The following AFP variants were observed in gnomAD, a reference collection of about 807,000 sequenced individuals.
AFP encodes the protein alpha-fetoprotein.
Under a neutral mutation model 78.9 loss-of-function variants are expected in AFP, and 64 were observed. That is an observed-to-expected ratio of 0.81 (90% CI 0.66 to 1.00). The LOEUF is 1.00. AFP is among the 50% of genes least tolerant of loss of function. AFP has a pLI of 0.00. For missense variants in AFP, 689 were observed against 703.8 expected, an observed-to-expected ratio of 0.98 and a Z score of 0.24; for synonymous variants, 254 against 243.8, an observed-to-expected ratio of 1.04 and a Z score of -0.39.
Position 73,445,124 on chromosome 4 carries a change from T to C in AFP, c.843+2T>C. On this transcript the variant is annotated splice_donor_variant, in intron 7 of 14. Coordinates refer to ENST00000395792, the MANE Select transcript of AFP (RefSeq NM_001134.3). LOFTEE classifies it high-confidence loss of function. ...GTGCTGGATTGTCTGCAGGATGGGGTGAAGAGTCTTGCTTCTTAAAATAGA... is the reference window on the plus strand; with the variant it reads ...GTGCTGGATTGTCTGCAGGATGGGGCGAAGAGTCTTGCTTCTTAAAATAGA... The C allele has an allele frequency of 6.2e-7, 1 of 1,613,844 alleles. No individual in the cohort carries two copies. Among genetic ancestry groups the C allele is most frequent in the East Asian group, 2.2e-5 (1 of 44,852 alleles).
chr4:73,449,980 C>T, intron 9 of AFP, 56 bp from the exon 10 acceptor site: 1 of 1,155,082 alleles, frequency 8.7e-7, no homozygotes, highest in Middle Eastern at 2.0e-4. Flanking sequence ...ATTTTATATA[C>T]AAAGTTATGC....
intron 2 of AFP, 56 bp downstream of exon 2, chr4:73,437,267 A>G (rs1233576097): frequency 6.9e-7 from 1 of 1,448,254 alleles, no homozygotes; most frequent in East Asian, 2.3e-5. Flanking sequence ...ATAAGTAAAT[A>G]CTTAAATAAA....
intron 3 of AFP, among the ~76,000 whole-genome samples, chr4:73,439,294 C>T (rs928437887): frequency 3.9e-5 from 6 of 152,028 alleles, no homozygotes; most frequent in East Asian, 1.9e-4. Flanking sequence ...AATTAGGTGG[C>T]TGAAAGACAA....
rs537178411 is a variant in AFP, at chr4:73,446,156, G to A, written c.843+1034G>A. On this transcript the variant is annotated intron_variant, in intron 7 of 14. Transcript: ENST00000395792. Reference sequence around the variant, plus strand: ...TGAGAGTGACAGTCCCTGAGGAGCTGGGGAAGAAGTGGGAGGAGGCAGCCT... The same window carrying A: ...TGAGAGTGACAGTCCCTGAGGAGCTAGGGAAGAAGTGGGAGGAGGCAGCCT... Among the ~76,000 whole-genome samples, 9 of 152,250 alleles carry A rather than the reference G, an allele frequency of 5.9e-5. 1 individual carries two copies. Among genetic ancestry groups the A allele is most frequent in the African/African-American group, 2.2e-4 (9 of 41,546 alleles).
chr4:73,454,404 G>A (rs1028637410), intron 13 of AFP, among the ~76,000 whole-genome samples: 2 of 151,900 alleles, frequency 1.3e-5, no homozygotes, highest in Non-Finnish European at 2.9e-5. Context: ...TCTTTAACCA[G>A]GGGATTCTAC....
In AFP at chr4:73,455,886, A is replaced by T. The variant is rs746790581; in HGVS notation, c.*266A>T. 1.2e-5 allele frequency: 6 copies of T among 509,042 alleles called. No individual in the cohort carries two copies. The highest frequency in any genetic ancestry group is 2.1e-5 in the Non-Finnish European group (6 of 289,298). The allele number at this position is 509,042 out of a possible 1,614,324, so 31.5% of individuals were successfully genotyped here. ...AAAATAGCATTAAGTGTTGGTTATT[A>T]TAGGAGATTAAAGCTATCCAAGGAT... is the stretch of plus-strand genomic sequence containing the variant. On this transcript the variant is annotated 3_prime_UTR_variant, in exon 15 of 15. Transcript: ENST00000395792.
At chr4:73,448,689 G>A (rs1318273432) in intron 8 of AFP, among the ~76,000 whole-genome samples, 3 of 152,082 alleles carry the variant, frequency 2.0e-5, no homozygotes, top group Non-Finnish European at 4.4e-5. Flanking sequence ...TTGTTTAATA[G>A]AAGCAGTTCT....
In AFP at chr4:73,438,234, G is replaced by T. The variant is rs868336154; in HGVS notation, c.198G>T (p.Met66Ile). ...QEATYKEVSKMVKDALTAIEK... is the reference protein window; with the variant it reads ...QEATYKEVSKIVKDALTAIEK... The stretch of plus-strand genomic sequence containing the variant: ...CCACTTACAAGGAAGTAAGCAAAAT[G>T]GTGAAAGATGCATTGACTGCAATTG... The change falls in exon 3 of 15, where the codon ATG becomes ATT. Residue 66 changes from methionine to isoleucine, a missense_variant. By Grantham distance (10) the Met-to-Ile change is conservative. Transcript: ENST00000395792. 1.9e-6 allele frequency: 3 copies of T among 1,613,470 alleles called. No homozygotes were observed. The highest frequency in any genetic ancestry group is 1.7e-4 in the Middle Eastern group (1 of 6,056).
At chr4:73,440,458 G>A in intron 3 of AFP, 144 bp from the exon 4 acceptor site, 1 of 698,532 alleles carries the variant, frequency 1.4e-6, no homozygotes, top group Non-Finnish European at 2.4e-6. Context: ...TCATCAGGCT[G>A]AAACAAAATA....
At chr4:73,443,302 A>G (rs1157372686) in intron 5 of AFP, 45 bp from the exon 6 acceptor site, 14 of 1,397,944 alleles carry the variant, frequency 1.0e-5, no homozygotes, top group Non-Finnish European at 1.4e-5. Flanking sequence ...TGTAAAGAAA[A>G]TGTTAGTATA....
chr4:73,446,120 C>T (rs1719816801), intron 7 of AFP, among the ~76,000 whole-genome samples: 1 of 152,140 alleles, frequency 6.6e-6, no homozygotes, highest in African/African-American at 2.4e-5. Context: ...GCCAAGGCTG[C>T]AGAGGAGGCC....
chr4:73,447,580 A>G lies in AFP; in HGVS notation c.962A>G (p.Glu321Gly). ...GQCIIHAEND[E>G]KPEGLSPNLN... ...TGTATAATTCATGCAGAAAATGATG[A>G]AAAACCTGAAGGTCTATCTCCAAAT... The change falls in exon 8 of 15, where the codon GAA (glutamate) becomes GGA (glycine). Residue 321 changes from glutamate (E) to glycine (G), a missense_variant. Coordinates refer to ENST00000395792, the MANE Select transcript of AFP (RefSeq NM_001134.3). 1 of 1,612,626 alleles carries G rather than the reference A, an allele frequency of 6.2e-7. No homozygotes were observed. Among genetic ancestry groups the G allele is most frequent in the Admixed American group, 1.7e-5 (1 of 60,010 alleles).
intron 9 of AFP, 52 bp from the exon 10 acceptor site, chr4:73,449,984 G>A (rs1329122282): frequency 1.1e-5 from 13 of 1,189,780 alleles, no homozygotes; most frequent in Middle Eastern, 3.8e-4. Flanking sequence ...TATATACAAA[G>A]TTATGCATCC....
chr4:73,438,432 AT>A, intron 3 of AFP, 126 bp downstream of exon 3: 1 of 1,093,470 alleles, frequency 9.1e-7, no homozygotes, highest in Non-Finnish European at 1.3e-6. Flanking sequence ...TGAAAGAGGG[AT>A]TAGATTCATT....
intron 8 of AFP, among the ~76,000 whole-genome samples, chr4:73,448,189 A>G (rs1289725185): frequency 6.6e-6 from 1 of 152,176 alleles, no homozygotes; most frequent in African/African-American, 2.4e-5. Flanking sequence ...TTTTTAAGAA[A>G]ATCAAAACAT....
At position 73,445,138 on chromosome 4, in the gene AFP, T is replaced by C; in HGVS notation, c.843+16T>C. On this transcript the variant is annotated intron_variant, in intron 7 of 14. Coordinates refer to ENST00000395792, the MANE Select transcript of AFP (RefSeq NM_001134.3). The stretch of plus-strand genomic sequence containing the variant: ...GCAGGATGGGGTGAAGAGTCTTGCT[T>C]CTTAAAATAGAAGATTTTCACTCCC... The C allele has an allele frequency of 6.2e-7, 1 of 1,613,410 alleles. No individual in the cohort carries two copies. Among genetic ancestry groups the C allele is most frequent in the Non-Finnish European group, 8.5e-7 (1 of 1,179,494 alleles).
chr4:73,455,348 C>A, intron 14 of AFP, 58 bp downstream of exon 14: 1 of 1,340,594 alleles, frequency 7.5e-7, no homozygotes, highest in Non-Finnish European at 1.1e-6. Flanking sequence ...AATATCAATC[C>A]ATAATGAGAT....
chr4:73,446,022 T>C (rs540608161), intron 7 of AFP, among the ~76,000 whole-genome samples: 1 of 152,296 alleles, frequency 6.6e-6, no homozygotes, highest in South Asian at 2.1e-4. Flanking sequence ...CACTGGACTA[T>C]GGTTTCCAGA....
At chr4:73,441,890 G>A (rs1719679064) in intron 4 of AFP, among the ~76,000 whole-genome samples, 1 of 152,118 alleles carries the variant, frequency 6.6e-6, no homozygotes, top group Non-Finnish European at 1.5e-5. Context: ...GACTATCCAG[G>A]TGCATAACCC....
Sources: allele counts gnomAD v4.1 joint callset (sites outside exome capture counted in the v4.1 genomes callset), GRCh38; gene constraint gnomAD v4.1.1; transcripts MANE v1.5; gene names NCBI Gene and HGNC (gene_info 2026-07-23, HGNC 2026-07-21).